The following GPATCH2 variants were observed in gnomAD, a reference collection of about 807,000 sequenced individuals.
GPATCH2 encodes G-patch domain containing 2.
Under a neutral mutation model 58.0 loss-of-function variants are expected in GPATCH2, and 51 were observed. That is an observed-to-expected ratio of 0.88 (90% CI 0.70 to 1.11). GPATCH2 has a LOEUF of 1.11. Ranked by LOEUF, GPATCH2 falls within the 50% of genes most tolerant of loss-of-function variation. The pLI is 0.00. For missense variants in GPATCH2, 625 were observed against 652.2 expected (o/e 0.96, Z 0.45); for synonymous variants, 222 against 218.5 (o/e 1.02, Z -0.14).
intron 8 of GPATCH2, among the ~76,000 whole-genome samples, chr1:217,479,282 CTAAA>C (rs1179388026): frequency 6.6e-6 from 1 of 151,934 alleles, no homozygotes; most frequent in African/African-American, 2.4e-5. Flanking sequence ...AGTAGAAAGA[CTAAA>C]TGATGAATGA....
At position 217,599,137 on chromosome 1, in the gene GPATCH2, T is replaced by G. The variant is rs142884285; in HGVS notation, c.1098+11184A>C. ...AAGGCTGGAGAAAGAGTGGGGGCACTGAGAACATAACACCATCTGGAAAGG... is the reference window on the plus strand; with the variant it reads ...AAGGCTGGAGAAAGAGTGGGGGCACGGAGAACATAACACCATCTGGAAAGG... On this transcript the variant is annotated intron_variant, in intron 5 of 9. Coordinates refer to ENST00000366935, the MANE Select transcript of GPATCH2 (RefSeq NM_018040.5). Among the ~76,000 whole-genome samples the G allele has an allele frequency of 2.8e-4, 43 of 152,242 alleles. 1 individual carries two copies. The East Asian group carries it at 8.3e-3, about 29-fold the overall frequency.
intron 8 of GPATCH2, among the ~76,000 whole-genome samples, chr1:217,475,000 TAAAC>T (rs1660907177): frequency 6.6e-6 from 1 of 152,128 alleles, no homozygotes; most frequent in South Asian, 2.1e-4. Flanking sequence ...TAACAAGAAT[TAAAC>T]ATGAGTAGTC....
At chr1:217,628,627 A>G (rs947490721) in intron 1 of GPATCH2, among the ~76,000 whole-genome samples, 24 of 151,776 alleles carry the variant, frequency 1.6e-4, no homozygotes, top group Admixed American at 2.0e-4. Context: ...AAAAGTCCAG[A>G]GTCAATATAG....
At chr1:217,493,800 T>C (rs896470027) in intron 7 of GPATCH2, among the ~76,000 whole-genome samples, 1 of 152,172 alleles carries the variant, frequency 6.6e-6, no homozygotes, top group Non-Finnish European at 1.5e-5. Flanking sequence ...AGAAGTAAGA[T>C]GATGAAATCT....
At chr1:217,521,595 T>C (rs1663462224) in intron 5 of GPATCH2, among the ~76,000 whole-genome samples, 2 of 151,578 alleles carry the variant, frequency 1.3e-5, no homozygotes, top group African/African-American at 4.8e-5. Context: ...CTAACAAGAA[T>C]AACAAACGGC....
chr1:217,469,774 A>G lies in GPATCH2; in HGVS notation c.1278-20437T>C, dbSNP rs187389301. On this transcript the variant is annotated intron_variant, in intron 8 of 9. Transcript: ENST00000366935. The stretch of plus-strand genomic sequence containing the variant: ...AAGGGTTGATGTGATTTCTGTAGAC[A>G]TAAAGTAATATTTTAAAATTGAAAG... 9.2e-5 allele frequency among the ~76,000 whole-genome samples: 14 copies of G among 152,338 alleles called. No homozygotes were observed. In the East Asian group the frequency reaches 2.7e-3, roughly 29 times the overall value.
At chr1:217,559,998 G>A (rs554052728) in intron 5 of GPATCH2, among the ~76,000 whole-genome samples, 6 of 152,134 alleles carry the variant, frequency 3.9e-5, no homozygotes, top group East Asian at 3.9e-4. Context: ...ACAGGCACAC[G>A]CCACCATGCC....
Position 217,495,977 on chromosome 1 carries a change from TTG to T in GPATCH2, c.1206+2377_1206+2378del, listed in dbSNP as rs150651441. On this transcript the variant is annotated intron_variant, in intron 7 of 9. Coordinates refer to ENST00000366935, the MANE Select transcript of GPATCH2 (RefSeq NM_018040.5). ...AAGTAGGGTTAATATTATTGTTTCT[TTG>T]TGTTAAGTTGGTATGAGAAAAGCAT... 2.0e-4 allele frequency among the ~76,000 whole-genome samples: 31 copies of T among 152,324 alleles called. No homozygotes were observed. In the East Asian group the frequency reaches 5.4e-3, roughly 27 times the overall value.
intron 5 of GPATCH2, among the ~76,000 whole-genome samples, chr1:217,601,823 C>T (rs1225998159): frequency 6.6e-6 from 1 of 152,132 alleles, no homozygotes; most frequent in Non-Finnish European, 1.5e-5. Flanking sequence ...TTATTCTCCT[C>T]CCAACCTCCA....
chr1:217,459,475 G>A (rs900713863), intron 8 of GPATCH2, among the ~76,000 whole-genome samples: 3 of 152,066 alleles, frequency 2.0e-5, no homozygotes, highest in Non-Finnish European at 4.4e-5. Context: ...GAAATAGTAG[G>A]CACTTACTAA....
At chr1:217,453,445 C>G (rs921209115) in intron 8 of GPATCH2, among the ~76,000 whole-genome samples, 1 of 152,134 alleles carries the variant, frequency 6.6e-6, no homozygotes, top group African/African-American at 2.4e-5. Flanking sequence ...CTGTCACTTA[C>G]GATTTGAAAC....
At chr1:217,505,067 T>C (rs1389863943) in intron 6 of GPATCH2, among the ~76,000 whole-genome samples, 1 of 151,766 alleles carries the variant, frequency 6.6e-6, no homozygotes, top group Non-Finnish European at 1.5e-5. Context: ...AATCTGGGAG[T>C]AGGGAGCACA....
At chr1:217,525,755 G>A (rs1034202460) in intron 5 of GPATCH2, among the ~76,000 whole-genome samples, 11 of 152,086 alleles carry the variant, frequency 7.2e-5, no homozygotes, top group African/African-American at 2.7e-4. Context: ...CAATACGGTA[G>A]TGAAGATAAT....
At chr1:217,613,804 A>G (rs1164432891) in intron 3 of GPATCH2, among the ~76,000 whole-genome samples, 1 of 152,210 alleles carries the variant, frequency 6.6e-6, no homozygotes, top group African/African-American at 2.4e-5. Context: ...AGTTTTAAGT[A>G]CATCTGGAAT....
intron 5 of GPATCH2, chr1:217,609,778 C>A: frequency 2.1e-6 from 2 of 963,702 alleles, no homozygotes; most frequent in Non-Finnish European, 2.5e-6. Flanking sequence ...AATTCTTAAT[C>A]AGTCACAATA....
intron 5 of GPATCH2, among the ~76,000 whole-genome samples, chr1:217,577,076 T>C (rs1221823395): frequency 2.6e-5 from 4 of 152,160 alleles, no homozygotes; most frequent in Non-Finnish European, 5.9e-5. Context: ...TATTTTCACA[T>C]AAGAGTGCTA....
At chr1:217,552,865 T>C (rs1036724690) in intron 5 of GPATCH2, among the ~76,000 whole-genome samples, 1 of 152,160 alleles carries the variant, frequency 6.6e-6, no homozygotes, top group Non-Finnish European at 1.5e-5. Flanking sequence ...AATGATGGCA[T>C]GTCAGTTGGC....
Position 217,430,973 on chromosome 1 carries a change from T to C in GPATCH2, c.*172A>G, listed in dbSNP as rs1658506009. ...AGGTTTTCATTTTAGCACCATGAATTGTGATGAAATCCCATTTCTCTCACT... is the reference window on the plus strand; with the variant it reads ...AGGTTTTCATTTTAGCACCATGAATCGTGATGAAATCCCATTTCTCTCACT... On this transcript the variant is annotated 3_prime_UTR_variant, in exon 10 of 10. Transcript: ENST00000366935. 1.6e-6 allele frequency: 1 copy of C among 607,298 alleles called. No homozygotes were observed. The highest frequency in any genetic ancestry group is 3.0e-5 in the Admixed American group (1 of 33,638). The allele number at this position is 607,298 out of a possible 1,614,324, so 37.6% of individuals were successfully genotyped here.
chr1:217,497,865 C>A (rs1227878675), intron 7 of GPATCH2, among the ~76,000 whole-genome samples: 1 of 152,166 alleles, frequency 6.6e-6, no homozygotes, highest in African/African-American at 2.4e-5. Flanking sequence ...CAACTTCTCA[C>A]TGAGTCAACT....
Sources: allele counts gnomAD v4.1 joint callset (sites outside exome capture counted in the v4.1 genomes callset), GRCh38; gene constraint gnomAD v4.1.1; transcripts MANE v1.5; gene names NCBI Gene and HGNC (gene_info 2026-07-23, HGNC 2026-07-21).